RABGAP1L: variants seen among roughly 807,000 people sequenced by gnomAD.
The protein encoded by RABGAP1L is rab GTPase-activating protein 1-like.
A neutral mutation model predicts 137.7 loss-of-function variants in RABGAP1L; 63 were observed. The observed-to-expected ratio is 0.46, with a 90% CI of 0.37 to 0.56. The LOEUF (loss-of-function observed/expected upper bound fraction) is 0.56. RABGAP1L is among the 20% of genes least tolerant of loss of function. RABGAP1L has a pLI of 0.00. For synonymous variants in RABGAP1L, 431 were observed against 433.7 expected (o/e 0.99, Z 0.08); for missense variants, 1,095 against 1,244.0 (o/e 0.88, Z 1.80).
At chr1:174,539,932 C>T (rs1665230269) in intron 13 of RABGAP1L, among the ~76,000 whole-genome samples, 1 of 152,208 alleles carries the variant, frequency 6.6e-6, no homozygotes, top group South Asian at 2.1e-4. Context: ...TTTCCTATTT[C>T]TCCACATCCT....
At chr1:174,614,350 G>A (rs926768848) in intron 13 of RABGAP1L, among the ~76,000 whole-genome samples, 5 of 152,188 alleles carry the variant, frequency 3.3e-5, no homozygotes, top group African/African-American at 1.2e-4. Context: ...ATTCTGGGTT[G>A]AAAATTCTTT....
intron 18 of RABGAP1L, among the ~76,000 whole-genome samples, chr1:174,782,538 G>A (rs529025731): frequency 1.3e-5 from 2 of 152,298 alleles, no homozygotes; most frequent in South Asian, 4.2e-4. Flanking sequence ...CTTAAATGCT[G>A]TGTAAAGAAT....
intron 10 of RABGAP1L, among the ~76,000 whole-genome samples, chr1:174,293,600 C>G (rs1466500665): frequency 6.6e-6 from 1 of 151,838 alleles, no homozygotes; most frequent in African/African-American, 2.4e-5. Context: ...TTCCTTTAGT[C>G]TAGGTTTTAT....
At chr1:174,751,769 T>A (rs1684354844) in intron 17 of RABGAP1L, among the ~76,000 whole-genome samples, 1 of 152,184 alleles carries the variant, frequency 6.6e-6, no homozygotes, top group South Asian at 2.1e-4. Flanking sequence ...CCTCTAGTTA[T>A]ACAAATAATA....
chr1:174,545,297 AGCAATG>A (rs1558327859), intron 13 of RABGAP1L: 1 of 147,810 alleles, frequency 6.8e-6, no homozygotes, highest in African/African-American at 2.5e-5. Context: ...CTCAAGCTTC[AGCAATG>A]GCGGATGCCC....
chr1:174,718,593 A>G (rs1451931307), intron 17 of RABGAP1L, among the ~76,000 whole-genome samples: 1 of 152,126 alleles, frequency 6.6e-6, no homozygotes, highest in Non-Finnish European at 1.5e-5. Context: ...TTTATTTTTG[A>G]GGCCCTTGGC....
intron 13 of RABGAP1L, among the ~76,000 whole-genome samples, chr1:174,490,276 C>T (rs1435256941): frequency 1.3e-5 from 2 of 152,148 alleles, no homozygotes; most frequent in Non-Finnish European, 2.9e-5. Context: ...GTGATCTAAG[C>T]ACTGCCTGCA....
intron 18 of RABGAP1L, among the ~76,000 whole-genome samples, chr1:174,778,498 A>C (rs1382288400): frequency 1.3e-5 from 2 of 152,224 alleles, no homozygotes; most frequent in Non-Finnish European, 2.9e-5. Context: ...GTAAAAATGT[A>C]ATAAGAGTAC....
At chr1:174,463,551 A>G (rs1558256096) in intron 13 of RABGAP1L, among the ~76,000 whole-genome samples, 1 of 152,112 alleles carries the variant, frequency 6.6e-6, no homozygotes, top group Non-Finnish European at 1.5e-5. Context: ...TAGGAGATAT[A>G]CCTAATGCTA....
At chr1:174,265,181 T>G (rs926916336) in intron 7 of RABGAP1L, among the ~76,000 whole-genome samples, 41 of 152,170 alleles carry the variant, frequency 2.7e-4, no homozygotes, top group African/African-American at 8.7e-4. Flanking sequence ...TAAAAATACT[T>G]GTAAATTAGC....
intron 13 of RABGAP1L, among the ~76,000 whole-genome samples, chr1:174,518,703 G>A (rs899148311): frequency 1.3e-5 from 2 of 152,144 alleles, no homozygotes; most frequent in African/African-American, 2.4e-5. Flanking sequence ...GGAATGAATG[G>A]TGCCTTCTGG....
At chr1:174,491,598 A>G (rs1286884340) in intron 13 of RABGAP1L, among the ~76,000 whole-genome samples, 1 of 152,022 alleles carries the variant, frequency 6.6e-6, no homozygotes, top group Non-Finnish European at 1.5e-5. Flanking sequence ...TGTCTCAGTA[A>G]GTTACATGTC....
chr1:174,673,221 G>T (rs1257563804), intron 14 of RABGAP1L, among the ~76,000 whole-genome samples: 1 of 152,140 alleles, frequency 6.6e-6, no homozygotes, highest in Non-Finnish European at 1.5e-5. Flanking sequence ...GATCTTTCAA[G>T]ATTAGGCAGA....
At chr1:174,427,668 T>G (rs1042523537) in intron 13 of RABGAP1L, among the ~76,000 whole-genome samples, 2 of 152,200 alleles carry the variant, frequency 1.3e-5, no homozygotes, top group Admixed American at 6.5e-5. Flanking sequence ...CAGCTTTATA[T>G]TCTGGGTGGT....
chr1:174,349,285 C>G (rs1682801255), intron 11 of RABGAP1L, among the ~76,000 whole-genome samples: 1 of 135,422 alleles, frequency 7.4e-6, no homozygotes, highest in Non-Finnish European at 1.6e-5. Context: ...AGGGGCTCCT[C>G]ACTTCCCAGT....
At chr1:174,976,302 T>A in intron 22 of RABGAP1L, 120 bp downstream of exon 22, 1 of 844,582 alleles carries the variant, frequency 1.2e-6, no homozygotes, top group Non-Finnish European at 1.8e-6. Flanking sequence ...AGCAGTAATG[T>A]AAGTAGTTGA....
rs75696326 is a variant in RABGAP1L, at chr1:174,644,518, A to G, written c.1824+7030A>G. Among the ~76,000 whole-genome samples, 366 of 152,248 alleles carry G rather than the reference A, an allele frequency of 2.4e-3. 4 individuals are homozygous for G. The highest frequency in any genetic ancestry group is 8.0e-3 in the African/African-American group (332 of 41,550). The stretch of plus-strand genomic sequence containing the variant: ...ACTCTTTCAGGAGGAAAAGGAAAGT[A>G]AGATTACTATCTAAAATACAAAAGA... On this transcript the variant is annotated intron_variant, in intron 14 of 25. Coordinates refer to ENST00000681986, the MANE Select transcript of RABGAP1L (RefSeq NM_001366446.1).
Position 174,185,805 on chromosome 1 carries a change from A to T in RABGAP1L, c.-34+26148A>T, listed in dbSNP as rs558755606. ...ATTGGCAAGTATTTTCCTGGGACAGAATTTTGCAGATGGATCACTGGATTA... is the reference window on the plus strand; with the variant it reads ...ATTGGCAAGTATTTTCCTGGGACAGTATTTTGCAGATGGATCACTGGATTA... On this transcript the variant is annotated intron_variant, in intron 1 of 25. Transcript: ENST00000681986. Among the ~76,000 whole-genome samples the T allele has an allele frequency of 4.6e-5, 7 of 152,304 alleles. 1 individual carries two copies. The South Asian group carries it at 1.4e-3, about 32-fold the overall frequency.
At chr1:174,498,299 A>G (rs1276593328) in intron 13 of RABGAP1L, among the ~76,000 whole-genome samples, 2 of 152,278 alleles carry the variant, frequency 1.3e-5, no homozygotes, top group East Asian at 3.9e-4. Flanking sequence ...ATACGTGATT[A>G]TGTTTGTAAT....
Sources: allele counts gnomAD v4.1 joint callset (sites outside exome capture counted in the v4.1 genomes callset), GRCh38; gene constraint gnomAD v4.1.1; transcripts MANE v1.5; gene names NCBI Gene and HGNC (gene_info 2026-07-23, HGNC 2026-07-21).